The following PAX2 variants were observed in gnomAD, a reference collection of about 807,000 sequenced individuals.
PAX2 encodes the protein paired box protein Pax-2.
In PAX2, 9 loss-of-function variants were observed where a neutral mutation model predicts 41.7. The observed-to-expected ratio is 0.22, with a 90% confidence interval of 0.13 to 0.38. The LOEUF (loss-of-function observed/expected upper bound fraction) is 0.38. Ranked by LOEUF, PAX2 falls within the 10% of genes least tolerant of loss-of-function variation. PAX2 has a pLI of 1.00. For synonymous variants in PAX2, 221 were observed against 212.7 expected (o/e 1.04, Z -0.34); for missense variants, 418 against 531.6 (o/e 0.79, Z 2.10).
At chr10:100,810,645 G>GTGGTCACTTCCCAAAGA in intron 7 of PAX2, among the ~76,000 whole-genome samples, 1 of 152,360 alleles carries the variant, frequency 6.6e-6, no homozygotes, top group East Asian at 1.9e-4. Flanking sequence ...CAGAAGTACA[G>GTGGTCACTTCCCAAAGA]TGGTCACTTC....
At chr10:100,762,737 TA>T (rs377128810) in intron 3 of PAX2, among the ~76,000 whole-genome samples, 5 of 152,162 alleles carry the variant, frequency 3.3e-5, no homozygotes, top group African/African-American at 9.6e-5. Context: ...AAATCACAAA[TA>T]GGGGTACATG....
At chr10:100,820,089 A>C (rs942073911) in intron 7 of PAX2, among the ~76,000 whole-genome samples, 1 of 151,848 alleles carries the variant, frequency 6.6e-6, no homozygotes. Flanking sequence ...TTTTCAGAAA[A>C]CTCTCACAGG....
At chr10:100,742,879 T>TTTTTTTTTTTTTTTTTA (rs1481307209), upstream of PAX2, among the ~76,000 whole-genome samples, 1 of 116,952 alleles carries the variant, frequency 8.6e-6, no homozygotes, top group Admixed American at 8.3e-5. Context: ...TTTTTTTTTT[T>TTTTTTTTTTTTTTTTTA]TTTGCTTTCT....
intron 5 of PAX2, among the ~76,000 whole-genome samples, chr10:100,799,497 A>G (rs1847463441): frequency 6.6e-6 from 1 of 152,214 alleles, no homozygotes; most frequent in Admixed American, 6.5e-5. Context: ...TGCTCAGTAA[A>G]TGATGATGGG....
At chr10:100,813,684 C>T (rs971946302) in intron 7 of PAX2, among the ~76,000 whole-genome samples, 3 of 152,146 alleles carry the variant, frequency 2.0e-5, no homozygotes, top group African/African-American at 7.2e-5. Context: ...CATGGAGACG[C>T]CAAGCCTGAT....
intron 5 of PAX2, among the ~76,000 whole-genome samples, chr10:100,805,029 C>T (rs11190714): frequency 0.012 from 131 of 10,890 alleles, 1 homozygote; most frequent in Non-Finnish European, 0.016. Context: ...CACATACACA[C>T]ACACACACAC....
exon 1 of PAX2, chr10:100,735,723 G>A: frequency 9.5e-7 from 1 of 1,048,322 alleles, no homozygotes; most frequent in Non-Finnish European, 1.2e-6. Context: ...AAGAGCGCGC[G>A]GGTCCGGCAG....
chr10:100,774,692 A>G (rs1360434698), intron 3 of PAX2, among the ~76,000 whole-genome samples: 1 of 152,198 alleles, frequency 6.6e-6, no homozygotes, highest in African/African-American at 2.4e-5. Flanking sequence ...TAGTAATCAC[A>G]TTACATGGAG....
At chr10:100,753,579 T>C (rs55960653) in intron 3 of PAX2, among the ~76,000 whole-genome samples, 4,536 of 152,286 alleles carry the variant, frequency 0.03, 94 homozygotes, top group Middle Eastern at 0.095. Context: ...AGAGCTTTGT[T>C]GGTAGTGACC....
chr10:100,820,888 G>T (rs1848360242), intron 7 of PAX2, among the ~76,000 whole-genome samples: 2 of 152,078 alleles, frequency 1.3e-5, no homozygotes, highest in Non-Finnish European at 2.9e-5. Flanking sequence ...CTTTCTGTTG[G>T]GTGGCACATA....
chr10:100,748,242 G>T lies in PAX2; in HGVS notation c.44-1504G>T. On this transcript the variant is annotated intron_variant, in intron 1 of 9. Coordinates refer to ENST00000355243, the MANE Select transcript of PAX2 (RefSeq NM_000278.5). The surrounding 1 kb of genome is among the most constrained non-coding windows in gnomAD (Gnocchi z 5.0). ...GCTGCCGCCTTTTCATACCGGTAAC[G>T]CGAGTTCTCCCGGGGCCTAAATTAT... 35 of 985,174 alleles carry T rather than the reference G, an allele frequency of 3.6e-5. No homozygotes were observed. Among genetic ancestry groups the T allele is most frequent in the Non-Finnish European group, 4.2e-5 (35 of 829,890 alleles). The allele number at this position is 985,174 out of a possible 1,614,324, so 61.0% of individuals were successfully genotyped here.
intron 2 of PAX2, 80 bp downstream of exon 2, chr10:100,749,994 C>A: frequency 6.6e-7 from 1 of 1,510,420 alleles, no homozygotes; most frequent in Non-Finnish European, 9.0e-7. Flanking sequence ...GAGGACGTGG[C>A]TAAAAGTCCA....
At chr10:100,762,834 C>T (rs1050915273) in intron 3 of PAX2, among the ~76,000 whole-genome samples, 23 of 152,220 alleles carry the variant, frequency 1.5e-4, no homozygotes, top group African/African-American at 5.3e-4. Context: ...AACACACAGG[C>T]ATGCAGACTT....
Position 100,824,023 on chromosome 10 carries a change from A to G in PAX2, c.920-625A>G, listed in dbSNP as rs1848455564. Among the ~76,000 whole-genome samples the G allele has an allele frequency of 6.6e-6, 1 of 152,124 alleles. No homozygotes were observed. The highest frequency in any genetic ancestry group is 2.1e-4 in the South Asian group (1 of 4,826). ...CTGATTCACTTCAGGGTGGTTTTCT[A>G]TCATGTAAATGCCATAAACACTAAC... On this transcript the variant is annotated intron_variant, in intron 7 of 9. Transcript: ENST00000355243. The surrounding 1 kb of genome is among the most constrained non-coding windows in gnomAD (Gnocchi z 6.6).
intron 5 of PAX2, among the ~76,000 whole-genome samples, chr10:100,781,628 GA>G (rs1454246059): frequency 6.6e-6 from 1 of 152,178 alleles, no homozygotes; most frequent in Non-Finnish European, 1.5e-5. Flanking sequence ...GGGATGTCAG[GA>G]GGAGAAGCAA....
At chr10:100,767,613 G>A (rs185974197) in intron 3 of PAX2, among the ~76,000 whole-genome samples, 8 of 152,248 alleles carry the variant, frequency 5.3e-5, no homozygotes, top group South Asian at 2.1e-4. Flanking sequence ...GGGTGTTCAC[G>A]GAGTATCGAT....
At chr10:100,736,280 C>T (rs1363705082) in intron 1 of PAX2, among the ~76,000 whole-genome samples, 4 of 152,154 alleles carry the variant, frequency 2.6e-5, no homozygotes, top group Non-Finnish European at 5.9e-5. Context: ...GTGGCAGGCC[C>T]CAGGGGACCC....
intron 7 of PAX2, among the ~76,000 whole-genome samples, chr10:100,814,351 C>CGA (rs753999760): frequency 1.9e-5 from 1 of 53,728 alleles, no homozygotes. Flanking sequence ...GACTCCATCT[C>CGA]AAAAAAAAAA....
chr10:100,810,136 G>C (rs1290743472), intron 7 of PAX2, among the ~76,000 whole-genome samples: 1 of 151,092 alleles, frequency 6.6e-6, no homozygotes, highest in Non-Finnish European at 1.5e-5. Flanking sequence ...GGGAGACACT[G>C]AGGCGTTACC....
Sources: allele counts gnomAD v4.1 joint callset (sites outside exome capture counted in the v4.1 genomes callset), GRCh38; gene constraint gnomAD v4.1.1; non-coding constraint Gnocchi (gnomAD v3.1); transcripts MANE v1.5; gene names NCBI Gene and HGNC (gene_info 2026-07-23, HGNC 2026-07-21).